The following OR2A12 variants were observed in gnomAD, a reference collection of about 807,000 sequenced individuals.
OR2A12 encodes the protein olfactory receptor family 2 subfamily A member 12.
For synonymous variants in OR2A12, 153 were observed against 149.3 expected (o/e 1.02, Z -0.18); for missense variants, 380 against 372.5 (o/e 1.02, Z -0.17).
At chr7:144,092,177 T>C (rs1429783199) in intron 1 of OR2A12, among the ~76,000 whole-genome samples, 2 of 152,184 alleles carry the variant, frequency 1.3e-5, no homozygotes, top group Admixed American at 6.5e-5. Context: ...TAAGGCCTTA[T>C]TTCTGGGTTC....
In OR2A12 at chr7:144,095,767, C is replaced by T. The variant is rs1250611907; in HGVS notation, c.660C>T (p.Ile220=). The change falls in exon 2 of 2, where the codon ATC becomes ATT. Residue 220 remains isoleucine, a synonymous_variant. Coordinates refer to ENST00000641592, the MANE Select transcript of OR2A12 (RefSeq NM_001004135.2). ...TGGTGCTGGTCTCCTACTTGCACAT[C>T]CTGGTGGCCATCTTGAGGATCCAGT... ...LCLVLVSYLH[I]LVAILRIQSG... 6.2e-7 allele frequency: 1 copy of T among 1,613,990 alleles called. No homozygotes were observed. The highest frequency in any genetic ancestry group is 1.7e-5 in the Admixed American group (1 of 60,006).
At chr7:144,089,986 G>A (rs1170030127) in intron 1 of OR2A12, among the ~76,000 whole-genome samples, 2 of 152,052 alleles carry the variant, frequency 1.3e-5, no homozygotes, top group Non-Finnish European at 2.9e-5. Flanking sequence ...AGGATCTATA[G>A]GTCCTCAGTG....
At chr7:144,090,970 T>G (rs2051223443) in intron 1 of OR2A12, among the ~76,000 whole-genome samples, 1 of 152,244 alleles carries the variant, frequency 6.6e-6, no homozygotes, top group South Asian at 2.1e-4. Context: ...TCTTTACTAT[T>G]ACGAATAGTG....
Position 144,095,044 on chromosome 7 carries a change from T to C in OR2A12, c.-51-13T>C. On this transcript the variant is annotated splice_polypyrimidine_tract_variant and intron_variant, in intron 1 of 1. Transcript: ENST00000641592. ...TGCTCTATAATGAAATGTTTTTTAT[T>C]TTCTCCCATTAGCTGTGAAATTTCT... 1 of 1,091,610 alleles carries C rather than the reference T, an allele frequency of 9.2e-7. No homozygotes were observed. Among genetic ancestry groups the C allele is most frequent in the Non-Finnish European group, 1.3e-6 (1 of 747,280 alleles). 67.6% of individuals were successfully genotyped at this position (1,091,610 alleles called of 1,614,324 possible).
chr7:144,095,377 C>A lies in OR2A12; in HGVS notation c.270C>A (p.Val90=). Residue 90 remains valine, a synonymous_variant, in exon 2 of 2, where the codon GTC becomes GTA. Coordinates refer to ENST00000641592, the MANE Select transcript of OR2A12 (RefSeq NM_001004135.2). ...CAAATCTTGTGATGCACAAAAAAGTCATCTCCTTTGCTCCTTGCATACTTC... is the reference window on the plus strand; with the variant it reads ...CAAATCTTGTGATGCACAAAAAAGTAATCTCCTTTGCTCCTTGCATACTTC... ...MLANLVMHKK[V]ISFAPCILQT... 1 of 1,613,686 alleles carries A rather than the reference C, an allele frequency of 6.2e-7. No homozygotes were observed. Among genetic ancestry groups the A allele is most frequent in the South Asian group, 1.1e-5 (1 of 91,064 alleles).
chr7:144,091,214 A>G (rs1023550379), intron 1 of OR2A12, among the ~76,000 whole-genome samples: 2 of 152,200 alleles, frequency 1.3e-5, no homozygotes, highest in African/African-American at 4.8e-5. Flanking sequence ...AACATGGTGA[A>G]ACCCTGTTTC....
In OR2A12 at chr7:144,098,602, C is replaced by T. The variant is rs1398890944; in HGVS notation, c.*2562C>T. ...GTTTAAAAAAATAGGTTCTCTGGCT[C>T]CAGAGCTGGTATTCTTTTATTGTTA... is the stretch of plus-strand genomic sequence containing the variant. On this transcript the variant is annotated 3_prime_UTR_variant, in exon 2 of 2. Transcript: ENST00000641592. The T allele has an allele frequency of 1.3e-5, 2 of 152,108 alleles. No individual in the cohort carries two copies. Among genetic ancestry groups the T allele is most frequent in the African/African-American group, 2.4e-5 (1 of 41,406 alleles). 9.4% of individuals were successfully genotyped at this position (152,108 alleles called of 1,614,324 possible). A position where few individuals can be genotyped will look rare whatever the true frequency, so the allele number is the denominator to read the frequency against.
Position 144,097,780 on chromosome 7 carries a change from G to A in OR2A12, c.*1740G>A, listed in dbSNP as rs570019324. ...AAAGCTTTGAAGTAAATGGTGTTGG[G>A]ACAACCAAGTCTTTATAAAGATATT... On this transcript the variant is annotated 3_prime_UTR_variant, in exon 2 of 2. Transcript: ENST00000641592. 18 of 152,248 alleles carry A rather than the reference G, an allele frequency of 1.2e-4. No homozygotes were observed. Among genetic ancestry groups the A allele is most frequent in the African/African-American group, 3.6e-4 (15 of 41,536 alleles). The allele number at this position is 152,248 out of a possible 1,614,324, so 9.4% of individuals were successfully genotyped here.
chr7:144,097,286 G>A lies in OR2A12; in HGVS notation c.*1246G>A, dbSNP rs2051272166. 1 of 151,880 alleles carries A rather than the reference G, an allele frequency of 6.6e-6. No homozygotes were observed. The highest frequency in any genetic ancestry group is 1.5e-5 in the Non-Finnish European group (1 of 67,970). The allele number at this position is 151,880 out of a possible 1,614,324, so 9.4% of individuals were successfully genotyped here. On this transcript the variant is annotated 3_prime_UTR_variant, in exon 2 of 2. Transcript: ENST00000641592. ...CAGGATTTAATTCTCAAATGCTTAG[G>A]AATAATTATAACAAAGATTATACAA... is the stretch of plus-strand genomic sequence containing the variant.
intron 1 of OR2A12, among the ~76,000 whole-genome samples, chr7:144,092,940 A>G (rs933659036): frequency 1.8e-4 from 28 of 152,308 alleles, no homozygotes; most frequent in African/African-American, 5.3e-4. Context: ...ATAGATGATA[A>G]TATTGATCCA....
At chr7:144,092,967 G>T (rs2051237135) in intron 1 of OR2A12, among the ~76,000 whole-genome samples, 1 of 152,062 alleles carries the variant, frequency 6.6e-6, no homozygotes, top group Non-Finnish European at 1.5e-5. Context: ...ATTCCAGAAA[G>T]TCTACACACA....
chr7:144,092,882 G>GAA (rs2051236236), intron 1 of OR2A12, among the ~76,000 whole-genome samples: 3 of 116,856 alleles, frequency 2.6e-5, no homozygotes, highest in African/African-American at 6.8e-5. Context: ...TGAAGAGTGA[G>GAA]ACAAAAAATA....
At position 144,097,369 on chromosome 7, in the gene OR2A12, A is replaced by C. The variant is rs1419137522; in HGVS notation, c.*1329A>C. 1 of 152,174 alleles carries C rather than the reference A, an allele frequency of 6.6e-6. No individual in the cohort carries two copies. Among genetic ancestry groups the C allele is most frequent in the East Asian group, 1.9e-4 (1 of 5,204 alleles). The allele number at this position is 152,174 out of a possible 1,614,324, so 9.4% of individuals were successfully genotyped here. On this transcript the variant is annotated 3_prime_UTR_variant, in exon 2 of 2. Coordinates refer to ENST00000641592, the MANE Select transcript of OR2A12 (RefSeq NM_001004135.2). Reference sequence around the variant, plus strand: ...GAGACTATGGTAAATAAATAGATACACAATGTGTGGTATGCCAAGTTCTTG... The same window carrying C: ...GAGACTATGGTAAATAAATAGATACCCAATGTGTGGTATGCCAAGTTCTTG...
intron 1 of OR2A12, among the ~76,000 whole-genome samples, chr7:144,094,330 T>C (rs1001072910): frequency 6.6e-6 from 1 of 152,152 alleles, no homozygotes; most frequent in African/African-American, 2.4e-5. Flanking sequence ...TTCTTGAAAG[T>C]CACTTTATCC....
intron 1 of OR2A12, among the ~76,000 whole-genome samples, chr7:144,092,661 T>G (rs185347311): frequency 6.6e-6 from 1 of 152,218 alleles, no homozygotes; most frequent in Admixed American, 6.5e-5. Flanking sequence ...GTATAGAAAT[T>G]CTAGTGATTT....
In OR2A12 at chr7:144,086,351, A is replaced by G. The variant is rs2051186101; in HGVS notation, c.-244A>G. 1 of 152,674 alleles carries G rather than the reference A, an allele frequency of 6.5e-6. No individual in the cohort carries two copies. Among genetic ancestry groups the G allele is most frequent in the African/African-American group, 2.4e-5 (1 of 41,466 alleles). 9.5% of individuals were successfully genotyped at this position (152,674 alleles called of 1,614,324 possible). A position where few individuals can be genotyped will look rare whatever the true frequency, so the allele number is the denominator to read the frequency against. On this transcript the variant is annotated 5_prime_UTR_variant, in exon 1 of 2. Transcript: ENST00000641592. ...GTTCTCACTTCTTTGCATAAGCAGG[A>G]ACACAAGTGCACATGCGTGCACACA...
At position 144,095,391 on chromosome 7, in the gene OR2A12, C is replaced by A; in HGVS notation, c.284C>A (p.Pro95His). Reference sequence around the variant, plus strand: ...CACAAAAAAGTCATCTCCTTTGCTCCTTGCATACTTCAGACTTTTTTGTAT... The same window carrying A: ...CACAAAAAAGTCATCTCCTTTGCTCATTGCATACTTCAGACTTTTTTGTAT... ...VMHKKVISFA[P>H]CILQTFLYLA... is the part of the protein sequence containing the mutation. Residue 95 changes from proline to histidine, a missense_variant, in exon 2 of 2, where the codon CCT becomes CAT. By Grantham distance (77) the Pro-to-His change is moderately conservative. Transcript: ENST00000641592. 6.2e-7 allele frequency: 1 copy of A among 1,614,054 alleles called. No individual in the cohort carries two copies.
In OR2A12 at chr7:144,095,529, C is replaced by T; in HGVS notation, c.422C>T (p.Thr141Ile). Residue 141 changes from threonine (T) to isoleucine (I), a missense_variant, in exon 2 of 2, where the codon ACT becomes ATT. Thr to Ile is a moderately conservative substitution (Grantham distance 89). Coordinates refer to ENST00000641592, the MANE Select transcript of OR2A12 (RefSeq NM_001004135.2). The part of the protein sequence containing the change: ...YTLIMNWRVC[T>I]VLASTCWIFS... ...CTCATTATGAACTGGAGAGTGTGCA[C>T]TGTCCTGGCCTCAACTTGCTGGATA... 2.5e-6 allele frequency: 4 copies of T among 1,614,144 alleles called. No homozygotes were observed. The highest frequency in any genetic ancestry group is 3.4e-6 in the Non-Finnish European group (4 of 1,180,006).
In OR2A12 at chr7:144,095,146, G is replaced by T; in HGVS notation, c.39G>T (p.Leu13=). The T allele has an allele frequency of 6.2e-7, 1 of 1,613,220 alleles. No homozygotes were observed. Among genetic ancestry groups the T allele is most frequent in the Non-Finnish European group, 8.5e-7 (1 of 1,179,560 alleles). The change falls in exon 2 of 2, where the codon CTG becomes CTT. Residue 13 remains leucine, a synonymous_variant. Coordinates refer to ENST00000641592, the MANE Select transcript of OR2A12 (RefSeq NM_001004135.2). ...SNQTWITEVI[L]LGFQVDPALE... is the part of the protein sequence containing the mutation. ...AGACCTGGATCACAGAAGTCATCCT[G>T]TTGGGATTCCAGGTGGACCCAGCTC...
Sources: allele counts gnomAD v4.1 joint callset (sites outside exome capture counted in the v4.1 genomes callset), GRCh38; gene constraint gnomAD v4.1.1; transcripts MANE v1.5; gene names NCBI Gene and HGNC (gene_info 2026-07-23, HGNC 2026-07-21).